The following FLT3 variants were observed in gnomAD, a reference collection of about 807,000 sequenced individuals.
FLT3 encodes receptor-type tyrosine-protein kinase FLT3.
A neutral mutation model predicts 126.6 loss-of-function variants in FLT3; 46 were observed. The observed-to-expected ratio is 0.36, with a 90% CI of 0.29 to 0.46. FLT3 has a LOEUF of 0.46. FLT3 is among the 20% of genes least tolerant of loss of function. FLT3 has a pLI of 1.00. For missense variants in FLT3, 1,069 were observed against 1,190.3 expected (o/e 0.90, Z 1.50); for synonymous variants, 404 against 434.4 (o/e 0.93, Z 0.87).
chr13:28,006,156 G>T (rs1274691953), intron 23 of FLT3, among the ~76,000 whole-genome samples: 4 of 152,148 alleles, frequency 2.6e-5, no homozygotes, highest in Non-Finnish European at 5.9e-5. Flanking sequence ...AGAACTTTAT[G>T]ATTTAGGAAT....
chr13:28,076,263 A>T (rs1260393118), intron 1 of FLT3, among the ~76,000 whole-genome samples: 1 of 152,194 alleles, frequency 6.6e-6, no homozygotes, highest in Non-Finnish European at 1.5e-5. Flanking sequence ...ATTTTATTTC[A>T]TTTTACACAA....
chr13:28,018,363 T>C (rs1872072026), intron 20 of FLT3, 104 bp downstream of exon 20: 1 of 1,342,980 alleles, frequency 7.4e-7, no homozygotes, highest in Non-Finnish European at 1.0e-6. Context: ...TTTTTTGATG[T>C]TACCATAAAT....
In FLT3 at chr13:28,039,122, C is replaced by T. The variant is rs1046169282; in HGVS notation, c.1206-1834G>A. Among the ~76,000 whole-genome samples, 8 of 152,062 alleles carry T rather than the reference C, an allele frequency of 5.3e-5. No homozygotes were observed. The South Asian group carries it at 1.2e-3, about 24-fold the overall frequency. On this transcript the variant is annotated intron_variant, in intron 9 of 23. Coordinates refer to ENST00000241453, the MANE Select transcript of FLT3 (RefSeq NM_004119.3). The stretch of plus-strand genomic sequence containing the variant: ...CAAAGCAGCGACTGAAGGCGCCAGA[C>T]GGGAAGTCATAGGGCTGCAGTGAGG...
At chr13:28,048,879 T>C (rs1362939887) in intron 8 of FLT3, among the ~76,000 whole-genome samples, 3 of 152,224 alleles carry the variant, frequency 2.0e-5, no homozygotes, top group Non-Finnish European at 2.9e-5. Flanking sequence ...ATTTTCATTA[T>C]GGCTGAACGC....
intron 5 of FLT3, among the ~76,000 whole-genome samples, chr13:28,051,771 C>A (rs942554184): frequency 2.0e-5 from 3 of 151,696 alleles, no homozygotes; most frequent in African/African-American, 4.8e-5. Flanking sequence ...TGATCTCGAT[C>A]TCCTGACCTC....
intron 3 of FLT3, among the ~76,000 whole-genome samples, chr13:28,058,872 AG>A (rs1876277778): frequency 6.6e-6 from 1 of 152,348 alleles, no homozygotes; most frequent in African/African-American, 2.4e-5. Context: ...GCCTGGCATG[AG>A]CCACCACGTC....
intron 1 of FLT3, among the ~76,000 whole-genome samples, chr13:28,080,908 C>T (rs970166846): frequency 6.6e-6 from 1 of 152,154 alleles, no homozygotes; most frequent in African/African-American, 2.4e-5. Flanking sequence ...ACTGAATTAC[C>T]TTTACACCTT....
Position 28,035,657 on chromosome 13 carries a change from T to TAAG in FLT3, c.1434_1435insCTT (p.Ile478_Thr479insLeu), listed in dbSNP as rs772894088. On this transcript the variant is annotated inframe_insertion, in exon 12 of 24. Transcript: ENST00000241453. ...GCCTTTCTATTCCAGACTCCTTCTGTGATCTCTTCTGTGCAGCTGAAAAAA... is the reference window on the plus strand; with the variant it reads ...GCCTTTCTATTCCAGACTCCTTCTGTAAGGATCTCTTCTGTGCAGCTGAAAAAA... 6.2e-7 allele frequency: 1 copy of TAAG among 1,613,168 alleles called. No individual in the cohort carries two copies. Among genetic ancestry groups the TAAG allele is most frequent in the Admixed American group, 1.7e-5 (1 of 59,824 alleles).
intron 1 of FLT3, among the ~76,000 whole-genome samples, chr13:28,091,282 C>G (rs865860202): frequency 1.2e-4 from 14 of 115,044 alleles, no homozygotes; most frequent in African/African-American, 3.4e-4. Flanking sequence ...AGTGCAGTGG[C>G]GCGATCTCGG....
intron 1 of FLT3, among the ~76,000 whole-genome samples, chr13:28,080,111 C>T (rs1259926831): frequency 6.6e-6 from 1 of 152,232 alleles, no homozygotes; most frequent in African/African-American, 2.4e-5. Flanking sequence ...CACGGTGGCT[C>T]ATGCCTGTAA....
intron 1 of FLT3, among the ~76,000 whole-genome samples, chr13:28,082,927 T>C (rs7985206): frequency 0.7 from 106,502 of 151,802 alleles, 39,667 homozygotes; most frequent in Non-Finnish European, 0.81. Context: ...AGGATGGTCT[T>C]GATCTCCTGA....
chr13:28,023,263 T>A, intron 19 of FLT3, 87 bp downstream of exon 19: 3 of 1,392,456 alleles, frequency 2.2e-6, no homozygotes, highest in Non-Finnish European at 2.9e-6. Context: ...CTTTAAGGGA[T>A]ACAAGTTAAA....
chr13:28,044,472 A>G (rs1417924872), intron 9 of FLT3, among the ~76,000 whole-genome samples: 2 of 150,456 alleles, frequency 1.3e-5, no homozygotes, highest in East Asian at 3.9e-4. Flanking sequence ...AAAGGCAAAA[A>G]CAAAGAAAAG....
At chr13:28,056,964 A>C (rs1053475655) in intron 4 of FLT3, among the ~76,000 whole-genome samples, 1 of 152,166 alleles carries the variant, frequency 6.6e-6, no homozygotes, top group African/African-American at 2.4e-5. Context: ...TTTACCAATA[A>C]GGAAATCGGG....
At chr13:28,029,100 G>A (rs1424692344) in intron 15 of FLT3, among the ~76,000 whole-genome samples, 2 of 152,056 alleles carry the variant, frequency 1.3e-5, no homozygotes, top group Non-Finnish European at 2.9e-5. Flanking sequence ...AATTCAGACT[G>A]TAGTATAGGG....
chr13:28,080,445 A>C (rs527774928), intron 1 of FLT3, among the ~76,000 whole-genome samples: 1 of 152,324 alleles, frequency 6.6e-6, no homozygotes, highest in Admixed American at 6.5e-5. Context: ...AAAATATCCA[A>C]ACTATATCAA....
At chr13:28,029,405 C>G (rs1437952449) in intron 15 of FLT3, among the ~76,000 whole-genome samples, 1 of 110,454 alleles carries the variant, frequency 9.1e-6, no homozygotes, top group Non-Finnish European at 1.6e-5. Context: ...AAAAACAAAA[C>G]AAAACAAAAC....
intron 9 of FLT3, among the ~76,000 whole-genome samples, chr13:28,040,643 C>T (rs1566076508): frequency 6.6e-6 from 1 of 152,136 alleles, no homozygotes; most frequent in Non-Finnish European, 1.5e-5. Context: ...GTAATTCTGA[C>T]TGTGTATTGT....
Position 28,046,657 on chromosome 13 carries a change from C to T in FLT3, c.1205+1618G>A, listed in dbSNP as rs1016532426. Among the ~76,000 whole-genome samples the T allele has an allele frequency of 5.9e-5, 9 of 151,882 alleles. 1 individual carries two copies. Among genetic ancestry groups the T allele is most frequent in the Admixed American group, 1.3e-4 (2 of 15,232 alleles). On this transcript the variant is annotated intron_variant, in intron 9 of 23. Coordinates refer to ENST00000241453, the MANE Select transcript of FLT3 (RefSeq NM_004119.3). The stretch of plus-strand genomic sequence containing the variant: ...CTGCATCCAGGCTGGAGTGCGGTGA[C>T]GTGATCATGGCTACTGCAGCCTCGA...
Sources: allele counts gnomAD v4.1 joint callset (sites outside exome capture counted in the v4.1 genomes callset), GRCh38; gene constraint gnomAD v4.1.1; transcripts MANE v1.5; gene names NCBI Gene and HGNC (gene_info 2026-07-23, HGNC 2026-07-21).